The following ARHGAP15 variants were observed in gnomAD, a reference collection of about 807,000 sequenced individuals.
The protein encoded by ARHGAP15 is rho GTPase-activating protein 15.
Under a neutral mutation model 63.7 loss-of-function variants are expected in ARHGAP15, and 51 were observed. That is an observed-to-expected ratio of 0.80 (90% CI 0.64 to 1.01). The LOEUF (loss-of-function observed/expected upper bound fraction) is 1.01. ARHGAP15 is among the 50% of genes least tolerant of loss of function. The pLI is 0.00. For missense variants in ARHGAP15, 560 were observed against 564.6 expected (o/e 0.99, Z 0.08); for synonymous variants, 191 against 193.8 (o/e 0.99, Z 0.12).
chr2:143,683,877 A>C (rs1683210450), intron 12 of ARHGAP15, among the ~76,000 whole-genome samples: 1 of 152,210 alleles, frequency 6.6e-6, no homozygotes, highest in Admixed American at 6.5e-5. Flanking sequence ...CACAACCTGC[A>C]AGGGTATTTG....
At chr2:143,158,009 A>G (rs706633) in intron 2 of ARHGAP15, among the ~76,000 whole-genome samples, 103,005 of 151,574 alleles carry the variant, frequency 0.68, 35,424 homozygotes, top group East Asian at 0.92. Flanking sequence ...GAGATCATAC[A>G]TATGTCATGC....
chr2:143,317,785 CAA>C (rs1253408678), intron 6 of ARHGAP15, among the ~76,000 whole-genome samples: 3 of 152,068 alleles, frequency 2.0e-5, no homozygotes, highest in Non-Finnish European at 4.4e-5. Context: ...TAAGAGGCTG[CAA>C]AGACAGATAA....
chr2:143,166,209 T>A (rs1301583217), intron 2 of ARHGAP15, among the ~76,000 whole-genome samples: 1 of 152,080 alleles, frequency 6.6e-6, no homozygotes, highest in African/African-American at 2.4e-5. Flanking sequence ...TTGCTGTTGT[T>A]ATTTTCACCC....
chr2:143,550,098 G>A (rs1304949227), intron 10 of ARHGAP15, among the ~76,000 whole-genome samples: 5 of 152,138 alleles, frequency 3.3e-5, no homozygotes, highest in Admixed American at 3.3e-4. Flanking sequence ...AGGCCCAGAT[G>A]GGGAGCACAT....
At chr2:143,356,148 G>A (rs1418374200) in intron 6 of ARHGAP15, among the ~76,000 whole-genome samples, 1 of 152,090 alleles carries the variant, frequency 6.6e-6, no homozygotes, top group Non-Finnish European at 1.5e-5. Context: ...TTGCTCGGAA[G>A]GTAATTTAAT....
chr2:143,715,301 C>G lies in ARHGAP15; in HGVS notation c.1244+11777C>G, dbSNP rs562136318. 4.6e-5 allele frequency among the ~76,000 whole-genome samples: 7 copies of G among 152,310 alleles called. No individual in the cohort carries two copies. In the South Asian group the frequency reaches 1.4e-3, roughly 32 times the overall value. ...ACCAGCCCCTGTGATTCAATTACCT[C>G]CCACTGGGTTCCTCCCACAAGACAT... On this transcript the variant is annotated intron_variant, in intron 13 of 13. Transcript: ENST00000295095.
chr2:143,463,751 TAA>T (rs1419569170), intron 8 of ARHGAP15, among the ~76,000 whole-genome samples: 1 of 152,204 alleles, frequency 6.6e-6, no homozygotes, highest in Non-Finnish European at 1.5e-5. Flanking sequence ...CTGATTAACT[TAA>T]AGTCTGATTA....
At chr2:143,224,086 G>A (rs547682340) in intron 4 of ARHGAP15, among the ~76,000 whole-genome samples, 2 of 152,278 alleles carry the variant, frequency 1.3e-5, no homozygotes, top group South Asian at 2.1e-4. Context: ...AAATCACATA[G>A]TGCATATAAA....
intron 8 of ARHGAP15, among the ~76,000 whole-genome samples, chr2:143,451,582 T>C (rs1338640610): frequency 2.0e-5 from 3 of 151,908 alleles, no homozygotes; most frequent in Admixed American, 2.0e-4. Context: ...AAATCAAAAG[T>C]AGACATATTT....
intron 9 of ARHGAP15, among the ~76,000 whole-genome samples, chr2:143,490,138 T>A (rs987217632): frequency 1.3e-5 from 2 of 152,122 alleles, no homozygotes; most frequent in Non-Finnish European, 2.9e-5. Flanking sequence ...TAGCTGGGAC[T>A]ACAGGTGCCC....
intron 10 of ARHGAP15, among the ~76,000 whole-genome samples, chr2:143,533,545 T>C (rs552288697): frequency 3.9e-5 from 6 of 152,280 alleles, no homozygotes; most frequent in African/African-American, 1.4e-4. Context: ...ACCTTGAGCT[T>C]AACTGTTTTA....
At chr2:143,253,166 G>T (rs1191168291) in intron 6 of ARHGAP15, among the ~76,000 whole-genome samples, 2 of 148,086 alleles carry the variant, frequency 1.4e-5, no homozygotes, top group African/African-American at 5.0e-5. Context: ...GAAAATCAAA[G>T]AAGAGCAAAA....
At chr2:143,221,412 T>G (rs1692994126) in intron 4 of ARHGAP15, among the ~76,000 whole-genome samples, 1 of 152,182 alleles carries the variant, frequency 6.6e-6, no homozygotes, top group African/African-American at 2.4e-5. Context: ...GTTATACACA[T>G]TTCCCCAACA....
intron 12 of ARHGAP15, among the ~76,000 whole-genome samples, chr2:143,673,752 G>GTATATATATA (rs1158257230): frequency 4.9e-4 from 16 of 32,930 alleles, no homozygotes; most frequent in Admixed American, 5.4e-4. Context: ...GTGTGTGTGT[G>GTATATATATA]TGTGTGTATA....
chr2:143,563,331 A>G (rs985335763), intron 11 of ARHGAP15, among the ~76,000 whole-genome samples: 9 of 152,220 alleles, frequency 5.9e-5, no homozygotes, highest in African/African-American at 2.2e-4. Flanking sequence ...ATAATCAAAT[A>G]TGGTTTTTGC....
intron 11 of ARHGAP15, among the ~76,000 whole-genome samples, chr2:143,573,775 G>T (rs1455656349): frequency 2.0e-5 from 3 of 152,088 alleles, no homozygotes; most frequent in Non-Finnish European, 4.4e-5. Context: ...AGTGGGTTTG[G>T]AGGTGCACTC....
chr2:143,665,857 A>G lies in ARHGAP15; in HGVS notation c.1139-37562A>G, dbSNP rs1682142291. On this transcript the variant is annotated intron_variant, in intron 12 of 13. Transcript: ENST00000295095. ...AATAAAATACCTAGGAATCCAACTTACAAGGGATGTGAAGGACCTCTTCAA... is the reference window on the plus strand; with the variant it reads ...AATAAAATACCTAGGAATCCAACTTGCAAGGGATGTGAAGGACCTCTTCAA... Among the ~76,000 whole-genome samples the G allele has an allele frequency of 2.0e-5, 3 of 148,546 alleles. No homozygotes were observed. In the South Asian group the frequency reaches 6.6e-4, roughly 32 times the overall value.
At chr2:143,297,643 G>A (rs1204016374) in intron 6 of ARHGAP15, among the ~76,000 whole-genome samples, 1 of 151,994 alleles carries the variant, frequency 6.6e-6, no homozygotes, top group Non-Finnish European at 1.5e-5. Flanking sequence ...AAGGAGCACA[G>A]TGAGGAAAGC....
chr2:143,524,996 G>A (rs943979834), intron 10 of ARHGAP15, among the ~76,000 whole-genome samples: 6 of 152,050 alleles, frequency 3.9e-5, no homozygotes, highest in South Asian at 2.1e-4. Context: ...AGATCCTACC[G>A]AGTGCTTACT....
Sources: allele counts gnomAD v4.1 joint callset (sites outside exome capture counted in the v4.1 genomes callset), GRCh38; gene constraint gnomAD v4.1.1; transcripts MANE v1.5; gene names NCBI Gene and HGNC (gene_info 2026-07-23, HGNC 2026-07-21).